Variants in TBL1X observed in about 807,000 individuals in gnomAD.
The protein encoded by TBL1X is F-box-like/WD repeat-containing protein TBL1X.
TBL1X carries 10 observed loss-of-function variants against 50.7 expected under a neutral mutation model. That is an observed-to-expected ratio of 0.20 (90% CI 0.12 to 0.33). The LOEUF is 0.33. Ranked by LOEUF, TBL1X falls within the 10% of genes least tolerant of loss-of-function variation. The probability of loss-of-function intolerance (pLI) is 1.00; values close to 1 mark genes in which losing one functional copy is unlikely to be tolerated. For synonymous variants in TBL1X, 190 were observed against 214.7 expected (o/e 0.88, Z 1.01); for missense variants, 340 against 504.4 (o/e 0.67, Z 3.12).
chrX:9,474,562 T>C (rs1284183345), intron 1 of TBL1X, among the ~76,000 whole-genome samples: 1 of 113,353 alleles, frequency 8.8e-6, no homozygotes, highest in Admixed American at 9.3e-5. Flanking sequence ...CTATTGTATT[T>C]TGCGTGTTGT....
chrX:9,623,909 G>T (rs1325030890), intron 2 of TBL1X, among the ~76,000 whole-genome samples: 1 of 111,462 alleles, frequency 9.0e-6, no homozygotes, highest in African/African-American at 3.3e-5. Context: ...AGCCTGCAGG[G>T]GGCATTTCCT....
intron 2 of TBL1X, among the ~76,000 whole-genome samples, chrX:9,585,349 C>T (rs1024886426): frequency 4.6e-4 from 44 of 96,276 alleles, no homozygotes; most frequent in Admixed American, 1.0e-3. Context: ...CTCCCCCCCC[C>T]GCCACAGCTT....
intron 11 of TBL1X, 117 bp from the exon 12 acceptor site, chrX:9,697,252 C>G (rs1336132008): frequency 1.0e-5 from 10 of 964,703 alleles, no homozygotes; most frequent in Non-Finnish European, 1.3e-5. Flanking sequence ...CTCTCTATCT[C>G]TATTGGACAG....
At chrX:9,693,463 T>C (rs1352645555) in intron 11 of TBL1X, 44 bp downstream of exon 11, 8 of 1,094,918 alleles carry the variant, frequency 7.3e-6, no homozygotes, top group Non-Finnish European at 9.9e-6. Context: ...TATAGGTGGT[T>C]ATATATTTTT....
chrX:9,709,859 G>A, intron 15 of TBL1X, 99 bp downstream of exon 15: 1 of 1,075,744 alleles, frequency 9.3e-7, no homozygotes, highest in Non-Finnish European at 1.3e-6. Context: ...AAGCCCTTCA[G>A]AGGAAGCAAA....
chrX:9,472,439 CTTTTT>C (rs63196061), intron 1 of TBL1X, among the ~76,000 whole-genome samples: 1,027 of 89,646 alleles, frequency 0.011, 9 homozygotes, highest in South Asian at 0.069. Flanking sequence ...TTTTTTCTTT[CTTTTT>C]TTTTTTTTTT....
chrX:9,590,757 C>G (rs1409855344), intron 2 of TBL1X, among the ~76,000 whole-genome samples: 1 of 111,231 alleles, frequency 9.0e-6, no homozygotes, highest in Non-Finnish European at 1.9e-5. Flanking sequence ...TTTTCATGAG[C>G]AGTGCTGTTC....
At chrX:9,665,418 C>G (rs1158283770) in intron 5 of TBL1X, among the ~76,000 whole-genome samples, 1 of 89,897 alleles carries the variant, frequency 1.1e-5, no homozygotes, top group South Asian at 6.0e-4. Context: ...CATCTTGTCT[C>G]TAGCTTCACA....
chrX:9,570,104 A>C (rs371095914), intron 2 of TBL1X, among the ~76,000 whole-genome samples: 1 of 112,408 alleles, frequency 8.9e-6, no homozygotes, highest in South Asian at 3.7e-4. Context: ...TGTGTAAGCC[A>C]ACAGAACAAT....
Position 9,493,024 on chromosome X carries a change from T to C in TBL1X, c.-200-8756T>C, listed in dbSNP as rs1313101362. Among the ~76,000 whole-genome samples, 3 of 111,037 alleles carry C rather than the reference T, an allele frequency of 2.7e-5. No individual in the cohort carries two copies. The East Asian group carries it at 8.5e-4, about 31-fold the overall frequency. On this transcript the variant is annotated intron_variant, in intron 1 of 17. Coordinates refer to ENST00000645353, the MANE Select transcript of TBL1X (RefSeq NM_005647.4). ...GCCAGTGATGAATGTAGTGCATTGC[T>C]ATGTGACTGGGAGTGTGATAGAGAG...
intron 5 of TBL1X, among the ~76,000 whole-genome samples, chrX:9,658,399 G>C (rs1018688693): frequency 1.8e-5 from 2 of 110,547 alleles, no homozygotes; most frequent in African/African-American, 6.6e-5. Context: ...GCAAGGGAGC[G>C]AGCCCCTAGA....
chrX:9,655,717 G>A (rs1022345199), intron 5 of TBL1X, among the ~76,000 whole-genome samples: 2 of 112,039 alleles, frequency 1.8e-5, no homozygotes, highest in African/African-American at 6.5e-5. Flanking sequence ...TCCTCCCAGA[G>A]ATGCATGTAT....
Position 9,662,615 on chromosome X carries a change from A to G in TBL1X, c.211+8293A>G, listed in dbSNP as rs970049803. 6.3e-5 allele frequency among the ~76,000 whole-genome samples: 7 copies of G among 111,820 alleles called. No homozygotes were observed. The East Asian group carries it at 2.0e-3, about 31-fold the overall frequency. On this transcript the variant is annotated intron_variant, in intron 5 of 17. Coordinates refer to ENST00000645353, the MANE Select transcript of TBL1X (RefSeq NM_005647.4). ...ATGGGTACAGTTTCCATTTTGCAAA[A>G]TGAATAACGTTCTGGGGATGGTTGA...
At chrX:9,491,338 A>ATATATATATATATATT (rs1328551249) in intron 1 of TBL1X, among the ~76,000 whole-genome samples, 3 of 31,306 alleles carry the variant, frequency 9.6e-5, no homozygotes, top group African/African-American at 3.5e-4. Context: ...ATATATATAT[A>ATATATATATATATATT]TTTTTTTTTT....
intron 15 of TBL1X, among the ~76,000 whole-genome samples, chrX:9,710,261 A>G (rs1443368863): frequency 9.2e-6 from 1 of 108,836 alleles, no homozygotes; most frequent in African/African-American, 3.3e-5. Flanking sequence ...AAACCACCCA[A>G]CATGACTGCA....
chrX:9,636,515 C>CAA (rs1265421853), intron 2 of TBL1X: 1 of 110,707 alleles, frequency 9.0e-6, no homozygotes, highest in East Asian at 2.8e-4. Flanking sequence ...ACAACAACAA[C>CAA]AACAACAACA....
Position 9,626,579 on chromosome X carries a change from A to G in TBL1X, c.-130-13694A>G, listed in dbSNP as rs914115181. ...GGTAGAAGTGGTTTTTAATGAAACA[A>G]TAGATTTCTTGGTCTTGCTTCAAGT... On this transcript the variant is annotated intron_variant, in intron 2 of 17. Coordinates refer to ENST00000645353, the MANE Select transcript of TBL1X (RefSeq NM_005647.4). 5.3e-5 allele frequency among the ~76,000 whole-genome samples: 6 copies of G among 112,450 alleles called. No homozygotes were observed. The East Asian group carries it at 1.1e-3, about 21-fold the overall frequency.
intron 2 of TBL1X, among the ~76,000 whole-genome samples, chrX:9,530,592 C>A (rs2082155148): frequency 1.8e-5 from 2 of 111,902 alleles, no homozygotes; most frequent in African/African-American, 6.5e-5. Flanking sequence ...TAAAAAAGCC[C>A]TGCATGTTTC....
chrX:9,536,881 G>A (rs185358693), intron 2 of TBL1X, among the ~76,000 whole-genome samples: 53 of 111,845 alleles, frequency 4.7e-4, no homozygotes, highest in African/African-American at 1.6e-3. Context: ...CCAAGGCAGT[G>A]GCTTTAATCC....
Sources: gnomAD v4.1 joint callset for allele counts (sites outside exome capture counted in the v4.1 genomes callset) on GRCh38, gnomAD v4.1.1 for gene constraint, MANE v1.5 for transcripts, NCBI Gene and HGNC (gene_info 2026-07-23, HGNC 2026-07-21) for gene names.